Variants in DLGAP2 observed in about 807,000 individuals in gnomAD.
DLGAP2 encodes the protein DLG associated protein 2.
Under a neutral mutation model 100.3 loss-of-function variants are expected in DLGAP2, and 26 were observed. That is an observed-to-expected ratio of 0.26 (90% CI 0.19 to 0.36). The LOEUF is 0.36. Among genes scored for constraint, DLGAP2 ranks in the 10% least tolerant of loss-of-function variants. The probability of loss-of-function intolerance (pLI) is 1.00; values close to 1 mark genes in which losing one functional copy is unlikely to be tolerated. For missense variants in DLGAP2, 1,858 were observed against 1,453.2 expected (o/e 1.28, Z -4.53); for synonymous variants, 886 against 630.1 (o/e 1.41, Z -6.08).
intron 1 of DLGAP2, among the ~76,000 whole-genome samples, chr8:880,203 CTT>C (rs1477181062): frequency 1.3e-5 from 2 of 152,200 alleles, no homozygotes; most frequent in Admixed American, 1.3e-4. Flanking sequence ...ATCTCCTTCT[CTT>C]AGGTTTGTTC....
At chr8:1,094,078 G>A (rs939541790) in intron 2 of DLGAP2, among the ~76,000 whole-genome samples, 3 of 151,994 alleles carry the variant, frequency 2.0e-5, no homozygotes, top group African/African-American at 7.2e-5. Flanking sequence ...CTGCGAGGTG[G>A]GCGGAGGGCA....
At chr8:1,605,121 C>T (rs1796753763) in intron 6 of DLGAP2, among the ~76,000 whole-genome samples, 1 of 152,142 alleles carries the variant, frequency 6.6e-6, no homozygotes, top group African/African-American at 2.4e-5. Context: ...AGGCCAGGCA[C>T]CATCATTGCT....
intron 4 of DLGAP2, among the ~76,000 whole-genome samples, chr8:1,501,743 C>A (rs1025531723): frequency 2.6e-5 from 4 of 152,192 alleles, no homozygotes; most frequent in Non-Finnish European, 4.4e-5. Flanking sequence ...ATATTCTAAG[C>A]AAACTCAGGA....
chr8:1,192,490 T>C (rs77615422), intron 2 of DLGAP2, among the ~76,000 whole-genome samples: 6,626 of 151,880 alleles, frequency 0.044, 189 homozygotes, highest in East Asian at 0.071. Flanking sequence ...TGATGAGCAA[T>C]AGAGCTCTTA....
intron 2 of DLGAP2, among the ~76,000 whole-genome samples, chr8:1,158,367 TTCCC>T (rs1796831433): frequency 6.6e-6 from 1 of 152,254 alleles, no homozygotes; most frequent in Non-Finnish European, 1.5e-5. Flanking sequence ...TGTAATCTAA[TTCCC>T]TCAGTAGACA....
chr8:1,268,155 G>A (rs994940956), intron 3 of DLGAP2, among the ~76,000 whole-genome samples: 3 of 152,090 alleles, frequency 2.0e-5, no homozygotes, highest in African/African-American at 7.2e-5. Context: ...CAATATCAGA[G>A]GTTCAGGTAT....
At chr8:1,380,895 T>A (rs1796077479) in intron 3 of DLGAP2, among the ~76,000 whole-genome samples, 1 of 142,342 alleles carries the variant, frequency 7.0e-6, no homozygotes, top group Non-Finnish European at 1.5e-5. Context: ...TGGTGACCAT[T>A]TGTATCATCT....
At chr8:1,506,464 T>C (rs1433493127) in intron 4 of DLGAP2, among the ~76,000 whole-genome samples, 2 of 152,196 alleles carry the variant, frequency 1.3e-5, no homozygotes, top group East Asian at 3.8e-4. Context: ...GTGGTCTCAA[T>C]GGCCTCAGGA....
intron 4 of DLGAP2, among the ~76,000 whole-genome samples, chr8:1,519,168 AAGAAAC>A (rs1242355914): frequency 6.6e-6 from 1 of 152,166 alleles, no homozygotes; most frequent in Non-Finnish European, 1.5e-5. Context: ...TGCAATTGGG[AAGAAAC>A]AGAAGGGGCT....
intron 3 of DLGAP2, among the ~76,000 whole-genome samples, chr8:1,365,312 C>T (rs747992410): frequency 9.2e-5 from 14 of 152,100 alleles, no homozygotes; most frequent in Non-Finnish European, 1.0e-4. Context: ...ATCTCCGCAC[C>T]GAGGCTGCAG....
chr8:940,946 C>T (rs1799182349), intron 2 of DLGAP2, among the ~76,000 whole-genome samples: 1 of 152,138 alleles, frequency 6.6e-6, no homozygotes, highest in Admixed American at 6.5e-5. Flanking sequence ...AGGGTACCAC[C>T]TGCCAGGAGA....
intron 3 of DLGAP2, among the ~76,000 whole-genome samples, chr8:1,489,094 C>T (rs1006277856): frequency 2.0e-5 from 3 of 152,190 alleles, no homozygotes; most frequent in Admixed American, 1.3e-4. Context: ...ATTCTTCCTC[C>T]AGAGTTGCTT....
intron 2 of DLGAP2, among the ~76,000 whole-genome samples, chr8:1,117,525 C>T (rs894126026): frequency 4.6e-5 from 7 of 150,828 alleles, no homozygotes; most frequent in East Asian, 1.9e-4. Context: ...TGAACCAAGA[C>T]GGCCTTTTCA....
chr8:1,488,717 G>T (rs1335118336), intron 3 of DLGAP2, among the ~76,000 whole-genome samples: 2 of 152,172 alleles, frequency 1.3e-5, no homozygotes, highest in Admixed American at 1.3e-4. Context: ...CATCTCCAAA[G>T]CTCCTCCTCT....
At chr8:1,580,222 T>C (rs962181214) in intron 6 of DLGAP2, among the ~76,000 whole-genome samples, 2 of 152,140 alleles carry the variant, frequency 1.3e-5, no homozygotes, top group Non-Finnish European at 2.9e-5. Flanking sequence ...ACTATAGTTA[T>C]GCGATCAAGC....
rs533291894 is a variant in DLGAP2 at position 1,072,430 on chromosome 8, C to T, written c.73+164464C>T. 7.9e-5 allele frequency among the ~76,000 whole-genome samples: 12 copies of T among 152,332 alleles called. 1 individual carries two copies. In the South Asian group the frequency reaches 2.1e-3, roughly 26 times the overall value. On this transcript the variant is annotated intron_variant, in intron 2 of 14. Transcript: ENST00000637795. ...ATTTGTAGAAATCTTTACTGGGTGT[C>T]CTCCAATGTAAGAATGTTCTTGGAG...
chr8:1,594,204 A>G (rs1221684321), intron 6 of DLGAP2, among the ~76,000 whole-genome samples: 1 of 152,218 alleles, frequency 6.6e-6, no homozygotes, highest in East Asian at 1.9e-4. Context: ...GCGGAAAGTC[A>G]AGGAAAATGA....
intron 2 of DLGAP2, among the ~76,000 whole-genome samples, chr8:1,196,999 A>C (rs11136358): frequency 6.6e-6 from 1 of 151,874 alleles, no homozygotes; most frequent in Non-Finnish European, 1.5e-5. Flanking sequence ...CTGCGTTTGA[A>C]GGCCTGAAAA....
chr8:1,046,878 C>CG (rs1802531253), intron 2 of DLGAP2, among the ~76,000 whole-genome samples: 1 of 152,032 alleles, frequency 6.6e-6, no homozygotes, highest in Admixed American at 6.6e-5. Context: ...CAAGGCCTCA[C>CG]CCATTGTCAG....
Sources: allele counts gnomAD v4.1 joint callset (sites outside exome capture counted in the v4.1 genomes callset), GRCh38; gene constraint gnomAD v4.1.1; transcripts MANE v1.5; gene names NCBI Gene and HGNC (gene_info 2026-07-23, HGNC 2026-07-21).